The following FAM120A variants were observed in gnomAD, a reference collection of about 807,000 sequenced individuals.
FAM120A encodes the protein family with sequence similarity 120 member A, also known as constitutive coactivator of PPAR-gamma-like protein 1.
In FAM120A, 15 loss-of-function variants were observed where a neutral mutation model predicts 109.7. That is an observed-to-expected ratio of 0.14 (90% confidence interval 0.09 to 0.21). The LOEUF (loss-of-function observed/expected upper bound fraction) is 0.21. Among genes scored for constraint, FAM120A ranks in the 10% least tolerant of loss-of-function variants. FAM120A has a pLI of 1.00. For missense variants in FAM120A, 899 were observed against 1,439.3 expected, an observed-to-expected ratio of 0.62 and a Z score of 6.07; for synonymous variants, 493 against 572.8, an observed-to-expected ratio of 0.86 and a Z score of 1.99.
chr9:93,497,175 A>C (rs1172710585), intron 3 of FAM120A, among the ~76,000 whole-genome samples: 19 of 152,206 alleles, frequency 1.2e-4, no homozygotes, highest in Non-Finnish European at 2.6e-4. Context: ...AATTAATCGC[A>C]AACAAGTCTT....
Position 93,564,340 on chromosome 9 carries a change from G to A in FAM120A, c.3157G>A (p.Gly1053Arg), listed in dbSNP as rs1862570924. 5.6e-6 allele frequency: 9 copies of A among 1,614,228 alleles called. No individual in the cohort carries two copies. Among genetic ancestry groups the A allele is most frequent in the East Asian group, 4.5e-5 (2 of 44,882 alleles). The change falls in exon 18 of 18, where the codon GGA becomes AGA. Residue 1053 changes from glycine to arginine, a missense_variant. Physicochemically the swap from Gly to Arg is moderately radical, Grantham distance 125. Around this residue, in one of 11 missense-constraint regions of FAM120A, gnomAD observed 170 missense variants for 205.0 expected, o/e 0.83. Coordinates refer to ENST00000277165, the MANE Select transcript of FAM120A (RefSeq NM_014612.5). ...TTCAGACGGGTCCCTGGCTGAAAAC[G>A]GAGTGATGGCCGAGGAGAAGCCGGC... is the stretch of plus-strand genomic sequence containing the variant. ...MSSDGSLAEN[G>R]VMAEEKPAPQ...
chr9:93,499,001 AT>A, intron 5 of FAM120A, 115 bp downstream of exon 5: 1 of 779,444 alleles, frequency 1.3e-6, no homozygotes, highest in Non-Finnish European at 2.2e-6. Flanking sequence ...TTCTGTAGTT[AT>A]GCCAGTAAGT....
rs1312714600 is a variant in FAM120A at position 93,507,741 on chromosome 9, C to T, written c.1031-7926C>T. On this transcript the variant is annotated intron_variant, in intron 5 of 17. Coordinates refer to ENST00000277165, the MANE Select transcript of FAM120A (RefSeq NM_014612.5). Reference sequence around the variant, plus strand: ...CTGATAGATGGAGTGTCAGTAGGACCACTCAGGGCAGGCTTCGGCTGAATT... The same window carrying T: ...CTGATAGATGGAGTGTCAGTAGGACTACTCAGGGCAGGCTTCGGCTGAATT... Among the ~76,000 whole-genome samples, 3 of 152,284 alleles carry T rather than the reference C, an allele frequency of 2.0e-5. No individual in the cohort carries two copies. In the South Asian group the frequency reaches 6.2e-4, roughly 32 times the overall value.
intron 11 of FAM120A, among the ~76,000 whole-genome samples, chr9:93,544,025 A>G (rs1861798344): frequency 6.6e-6 from 1 of 152,268 alleles, no homozygotes; most frequent in Admixed American, 6.5e-5. Context: ...ATCTTATGCC[A>G]TTATATATGT....
chr9:93,558,738 C>A lies in FAM120A; in HGVS notation c.2806+20C>A. ...AGGGCGGTAATTATACCCACCCCTT[C>A]CCAGAGCTTCTGCCTGCCAGCACTT... On this transcript the variant is annotated intron_variant, in intron 15 of 17. Coordinates refer to ENST00000277165, the MANE Select transcript of FAM120A (RefSeq NM_014612.5). The A allele has an allele frequency of 6.2e-7, 1 of 1,610,490 alleles. No homozygotes were observed. Among genetic ancestry groups the A allele is most frequent in the Non-Finnish European group, 8.5e-7 (1 of 1,177,884 alleles).
intron 1 of FAM120A, among the ~76,000 whole-genome samples, chr9:93,470,917 T>A (rs1411337862): frequency 6.6e-6 from 1 of 152,214 alleles, no homozygotes; most frequent in Non-Finnish European, 1.5e-5. Flanking sequence ...CTAGATGGGA[T>A]CATAAGTTAC....
In FAM120A at chr9:93,451,838, C is replaced by A. The variant is rs1356101983; in HGVS notation, c.-78C>A. ...AGGCCGCCGCCCCCGCCCGCCAGCC[C>A]GCCCGCGCGCCACGGCCCCACCACC... On this transcript the variant is annotated 5_prime_UTR_variant, in exon 1 of 18. Coordinates refer to ENST00000277165, the MANE Select transcript of FAM120A (RefSeq NM_014612.5). 7.2e-6 allele frequency: 7 copies of A among 966,764 alleles called. No individual in the cohort carries two copies. The Admixed American group carries it at 3.2e-4, about 44-fold the overall frequency. 59.9% of individuals were successfully genotyped at this position (966,764 alleles called of 1,614,324 possible).
At chr9:93,520,533 G>C (rs116288144) in intron 7 of FAM120A, among the ~76,000 whole-genome samples, 5 of 152,212 alleles carry the variant, frequency 3.3e-5, no homozygotes, top group African/African-American at 9.7e-5. Flanking sequence ...AAAATGTGGT[G>C]GGCGGTTATG....
Position 93,498,254 on chromosome 9 carries a change from G to A in FAM120A, c.934-536G>A, listed in dbSNP as rs1221027976. On this transcript the variant is annotated intron_variant, in intron 4 of 17. Transcript: ENST00000277165. The surrounding 1 kb of genome is among the most constrained non-coding windows in gnomAD (Gnocchi z 4.4). Reference sequence around the variant, plus strand: ...TTAAAAATACAAAAATTAGCCAGGCGTGGTGGTGGGCGCCTGTAATGCCAG... The same window carrying A: ...TTAAAAATACAAAAATTAGCCAGGCATGGTGGTGGGCGCCTGTAATGCCAG... Among the ~76,000 whole-genome samples the A allele has an allele frequency of 1.3e-5, 2 of 152,342 alleles. No homozygotes were observed. The highest frequency in any genetic ancestry group is 2.1e-4 in the South Asian group (1 of 4,830).
At chr9:93,462,463 G>A (rs1857836550) in intron 1 of FAM120A, among the ~76,000 whole-genome samples, 1 of 152,166 alleles carries the variant, frequency 6.6e-6, no homozygotes, top group South Asian at 2.1e-4. Flanking sequence ...TGTATTTTTA[G>A]TAGAGACAGG....
chr9:93,527,142 AT>A lies in FAM120A; in HGVS notation c.1419-9del, dbSNP rs760987402. The A allele has an allele frequency of 2.0e-5, 33 of 1,612,738 alleles. No homozygotes were observed. In the Middle Eastern group the frequency reaches 9.9e-4, roughly 48 times the overall value. ...AAGTGATTGGACAGTAATCATGTTC[AT>A]TTTATGTTTAGCCATATCAGCGGGA... On this transcript the variant is annotated splice_polypyrimidine_tract_variant and intron_variant, in intron 7 of 17. Transcript: ENST00000277165.
intron 5 of FAM120A, among the ~76,000 whole-genome samples, chr9:93,508,992 AG>A (rs1183800855): frequency 6.6e-6 from 1 of 152,224 alleles, no homozygotes; most frequent in East Asian, 1.9e-4. Flanking sequence ...TGCGGAGAAA[AG>A]GTGTTCAGCC....
intron 1 of FAM120A, among the ~76,000 whole-genome samples, chr9:93,467,705 G>A (rs1048424711): frequency 6.6e-6 from 1 of 152,144 alleles, no homozygotes; most frequent in Non-Finnish European, 1.5e-5. Flanking sequence ...CTGGTTTTGG[G>A]AAGGATTATG....
In FAM120A at chr9:93,452,630, C is replaced by T. The variant is rs1270937208; in HGVS notation, c.474+241C>T. On this transcript the variant is annotated intron_variant, in intron 1 of 17. Transcript: ENST00000277165. This position sits in a 1 kb window ranked among gnomAD's most constrained non-coding sequence, Gnocchi z 7.0. ...CGGGGTCCGCGGCCGCGTGGGGACA[C>T]TTGAGGGCTGGGAGAGAGCCCCGGA... is the stretch of plus-strand genomic sequence containing the variant. The T allele has an allele frequency of 1.3e-6, 2 of 1,599,256 alleles. No individual in the cohort carries two copies. Among genetic ancestry groups the T allele is most frequent in the Non-Finnish European group, 1.7e-6 (2 of 1,179,890 alleles).
chr9:93,506,908 C>T (rs563581427), intron 5 of FAM120A, among the ~76,000 whole-genome samples: 2 of 152,174 alleles, frequency 1.3e-5, no homozygotes, highest in African/African-American at 2.4e-5. Context: ...GGCCGGGGCA[C>T]GATTTTTAAT....
At chr9:93,518,568 C>T (rs2131420253) in intron 7 of FAM120A, among the ~76,000 whole-genome samples, 1 of 152,318 alleles carries the variant, frequency 6.6e-6, no homozygotes, top group East Asian at 1.9e-4. Context: ...GTGAACAGGG[C>T]AGAGGACAGG....
At chr9:93,503,276 C>T (rs117732801) in intron 5 of FAM120A, among the ~76,000 whole-genome samples, 1,952 of 152,306 alleles carry the variant, frequency 0.013, 28 homozygotes, top group Non-Finnish European at 0.016. Context: ...ACGCAAAAAC[C>T]TGCACACAGA....
intron 10 of FAM120A, among the ~76,000 whole-genome samples, chr9:93,535,405 A>G (rs1341645186): frequency 6.6e-6 from 1 of 152,240 alleles, no homozygotes; most frequent in Non-Finnish European, 1.5e-5. Context: ...TGAAGCCTTT[A>G]CGTGTCAAAG....
At chr9:93,460,163 T>C (rs949115838) in intron 1 of FAM120A, among the ~76,000 whole-genome samples, 4 of 152,182 alleles carry the variant, frequency 2.6e-5, no homozygotes, top group African/African-American at 9.7e-5. Context: ...ACCATAGGAA[T>C]AAATGTCAAA....
Sources: allele counts gnomAD v4.1 joint callset (sites outside exome capture counted in the v4.1 genomes callset), GRCh38; gene constraint gnomAD v4.1.1; regional missense constraint gnomAD v4.1.1; non-coding constraint Gnocchi (gnomAD v3.1); transcripts MANE v1.5; gene names NCBI Gene and HGNC (gene_info 2026-07-23, HGNC 2026-07-21).